Variants in SORCS1 observed in about 807,000 individuals in gnomAD.
The protein encoded by SORCS1 is sortilin related VPS10 domain containing receptor 1.
SORCS1 carries 60 observed loss-of-function variants against 146.1 expected under a neutral mutation model. That is an observed-to-expected ratio of 0.41 (90% CI 0.33 to 0.51). The LOEUF is 0.51. Ranked by LOEUF, SORCS1 falls within the 20% of genes least tolerant of loss-of-function variation. The pLI is 0.21. For missense variants in SORCS1, 1,352 were observed against 1,487.6 expected, an observed-to-expected ratio of 0.91 and a Z score of 1.50; for synonymous variants, 637 against 584.0, an observed-to-expected ratio of 1.09 and a Z score of -1.31.
At chr10:106,751,345 G>C (rs1858221785) in intron 5 of SORCS1, among the ~76,000 whole-genome samples, 1 of 152,118 alleles carries the variant, frequency 6.6e-6, no homozygotes, top group Non-Finnish European at 1.5e-5. Context: ...AGAATTAGAA[G>C]AGACTGCCTC....
intron 3 of SORCS1, among the ~76,000 whole-genome samples, chr10:106,787,079 A>G (rs774904220): frequency 4.5e-4 from 68 of 152,330 alleles, no homozygotes; most frequent in Admixed American, 7.2e-4. Context: ...GACCAGTTCA[A>G]TGTCCATTAA....
rs1488289967 is a variant in SORCS1, at chr10:106,667,698, T to C, written c.2294A>G (p.Asn765Ser). 1.2e-6 allele frequency: 2 copies of C among 1,613,514 alleles called. No individual in the cohort carries two copies. The highest frequency in any genetic ancestry group is 1.1e-5 in the South Asian group (1 of 90,928). The stretch of plus-strand genomic sequence containing the variant: ...TACTCCAGACACTTACCCAGTACTA[T>C]TGAGGTAACTCTGTCCCAAGCTGCA... The part of the protein sequence containing the change: ...KDCSLGQSYL[N>S]STGYRKVVSN... Residue 765 changes from asparagine (N) to serine (S), a missense_variant, in exon 17 of 26, where the codon AAT (asparagine) becomes AGT (serine). Coordinates refer to ENST00000263054, the MANE Select transcript of SORCS1 (RefSeq NM_052918.5).
At chr10:107,014,272 A>G (rs12246209) in intron 1 of SORCS1, among the ~76,000 whole-genome samples, 7,573 of 134,560 alleles carry the variant, frequency 0.056, 1,037 homozygotes, top group African/African-American at 0.23. Context: ...AAAAAAAAAA[A>G]GAAAAGAAAA....
At chr10:106,836,196 C>T (rs950913871) in intron 2 of SORCS1, among the ~76,000 whole-genome samples, 1 of 151,000 alleles carries the variant, frequency 6.6e-6, no homozygotes, top group South Asian at 2.1e-4. Flanking sequence ...GGAGGTGCGC[C>T]GGGCGCAGTG....
At chr10:106,784,097 T>TA (rs1182662436) in intron 3 of SORCS1, among the ~76,000 whole-genome samples, 1 of 152,104 alleles carries the variant, frequency 6.6e-6, no homozygotes, top group Non-Finnish European at 1.5e-5. Context: ...TCATCTGGTT[T>TA]AAAAAACTAA....
chr10:106,578,679 C>T (rs1196993775), intron 25 of SORCS1: 5 of 1,013,306 alleles, frequency 4.9e-6, no homozygotes, highest in Non-Finnish European at 5.9e-6. Context: ...CCAGTTGAGG[C>T]TACCATGTTT....
rs546104510 is a variant in SORCS1 at position 106,853,093 on chromosome 10, CTG to C, written c.627-23422_627-23421del. On this transcript the variant is annotated intron_variant, in intron 2 of 25. Coordinates refer to ENST00000263054, the MANE Select transcript of SORCS1 (RefSeq NM_052918.5). ...ATGGGAAAATTCACCAGTGAACTGACTGTGCCTGGTGCTTTCTGTTTGGAAGA... is the reference window on the plus strand; with the variant it reads ...ATGGGAAAATTCACCAGTGAACTGACTGCCTGGTGCTTTCTGTTTGGAAGA... Among the ~76,000 whole-genome samples the C allele has an allele frequency of 1.7e-3, 260 of 152,338 alleles. 5 individuals are homozygous for C. Among genetic ancestry groups the C allele is most frequent in the African/African-American group, 6.0e-3 (250 of 41,568 alleles).
At chr10:107,107,656 G>A (rs1965398702) in intron 1 of SORCS1, among the ~76,000 whole-genome samples, 1 of 152,174 alleles carries the variant, frequency 6.6e-6, no homozygotes, top group African/African-American at 2.4e-5. Context: ...TAGCCTTTGT[G>A]GGAACCTTGG....
intron 1 of SORCS1, among the ~76,000 whole-genome samples, chr10:107,046,154 C>A (rs889211595): frequency 3.9e-5 from 6 of 152,068 alleles, no homozygotes; most frequent in African/African-American, 7.2e-5. Context: ...ACCACGTTGG[C>A]CAGATGGTCT....
At chr10:106,878,393 T>C (rs1241486451) in intron 2 of SORCS1, among the ~76,000 whole-genome samples, 1 of 151,580 alleles carries the variant, frequency 6.6e-6, no homozygotes, top group African/African-American at 2.4e-5. Context: ...ACAATGGTAT[T>C]AGGAGCTGGA....
chr10:107,071,865 G>C (rs549824132), intron 1 of SORCS1, among the ~76,000 whole-genome samples: 27 of 152,288 alleles, frequency 1.8e-4, no homozygotes, highest in Non-Finnish European at 3.2e-4. Flanking sequence ...TATTACAGAG[G>C]AAGCAACTAC....
chr10:106,829,521 C>A (rs1948448200), intron 3 of SORCS1, 53 bp downstream of exon 3: 2 of 1,399,558 alleles, frequency 1.4e-6, no homozygotes, highest in African/African-American at 2.8e-5. Context: ...GTTAGCCAAC[C>A]AAGACAGAAG....
At chr10:106,627,103 T>C (rs563036373) in intron 19 of SORCS1, among the ~76,000 whole-genome samples, 1 of 152,322 alleles carries the variant, frequency 6.6e-6, no homozygotes, top group Admixed American at 6.5e-5. Context: ...AATCTCTGTG[T>C]GTGTTGTTTT....
At chr10:106,695,329 C>T (rs1043498771) in intron 9 of SORCS1, among the ~76,000 whole-genome samples, 1 of 152,124 alleles carries the variant, frequency 6.6e-6, no homozygotes, top group African/African-American at 2.4e-5. Flanking sequence ...TTTCTTCTTC[C>T]AGTCTTCTGT....
chr10:106,647,416 A>ACACACACACAC (rs1554887109), intron 18 of SORCS1, among the ~76,000 whole-genome samples: 5 of 151,572 alleles, frequency 3.3e-5, no homozygotes, highest in East Asian at 1.9e-4. Context: ...ACACACACAC[A>ACACACACACAC]ATTTTCTACT....
intron 2 of SORCS1, among the ~76,000 whole-genome samples, chr10:106,935,378 A>T (rs1953659987): frequency 6.6e-6 from 1 of 152,220 alleles, no homozygotes; most frequent in Non-Finnish European, 1.5e-5. Flanking sequence ...TCTAATATTT[A>T]CCATTTTAAG....
chr10:106,777,574 TG>T (rs1438390950), intron 3 of SORCS1, among the ~76,000 whole-genome samples: 1 of 152,218 alleles, frequency 6.6e-6, no homozygotes, highest in African/African-American at 2.4e-5. Flanking sequence ...CTGCACAGTC[TG>T]CACCACAGAA....
chr10:106,690,079 A>G (rs1049018611), intron 9 of SORCS1, among the ~76,000 whole-genome samples: 3 of 152,230 alleles, frequency 2.0e-5, no homozygotes, highest in Non-Finnish European at 4.4e-5. Flanking sequence ...AAACTCAACA[A>G]ATGTGGAAGG....
intron 1 of SORCS1, among the ~76,000 whole-genome samples, chr10:107,037,041 T>C (rs942794290): frequency 2.0e-5 from 3 of 151,148 alleles, no homozygotes; most frequent in Non-Finnish European, 4.4e-5. Flanking sequence ...AGGTCGGGAG[T>C]TTGAGACCAG....
Sources: gnomAD v4.1 joint callset for allele counts (sites outside exome capture counted in the v4.1 genomes callset) on GRCh38, gnomAD v4.1.1 for gene constraint, MANE v1.5 for transcripts, NCBI Gene and HGNC (gene_info 2026-07-23, HGNC 2026-07-21) for gene names.